CPS1: variants seen among roughly 807,000 people sequenced by gnomAD.
The protein encoded by CPS1 is carbamoyl-phosphate synthase 1, also known as carbamoyl-phosphate synthase [ammonia], mitochondrial.
Under a neutral mutation model 174.6 loss-of-function variants are expected in CPS1, and 109 were observed. The ratio of observed to expected loss-of-function variants is 0.62; its 90% CI spans 0.53 to 0.73. The LOEUF (loss-of-function observed/expected upper bound fraction) is 0.73, where lower values mean the gene tolerates loss of function less well. Among genes scored for constraint, CPS1 ranks in the 30% least tolerant of loss-of-function variants. CPS1 has a pLI of 0.00. For missense variants in CPS1, 1,689 were observed against 1,821.9 expected, an observed-to-expected ratio of 0.93 and a Z score of 1.33; for synonymous variants, 637 against 632.0, an observed-to-expected ratio of 1.01 and a Z score of -0.12.
intron 19 of CPS1, 144 bp downstream of exon 19, chr2:210,608,703 T>C: frequency 2.6e-6 from 2 of 762,560 alleles, no homozygotes; most frequent in South Asian, 1.5e-5. Flanking sequence ...TAAAGTTGCC[T>C]GAATATTAGC....
rs117289589 is a variant in CPS1 at position 210,635,453 on chromosome 2, A to G, written c.2688-2249A>G. Among the ~76,000 whole-genome samples, 3 of 152,314 alleles carry G rather than the reference A, an allele frequency of 2.0e-5. No individual in the cohort carries two copies. In the East Asian group the frequency reaches 5.8e-4, roughly 29 times the overall value. Reference sequence around the variant, plus strand: ...GCACTGTTCAGTAGAAATTTCTGTGATGATGAAATATTCTGTAATCTGCAC... The same window carrying G: ...GCACTGTTCAGTAGAAATTTCTGTGGTGATGAAATATTCTGTAATCTGCAC... On this transcript the variant is annotated intron_variant, in intron 21 of 37. Transcript: ENST00000233072.
intron 1 of CPS1, among the ~76,000 whole-genome samples, chr2:210,515,541 G>T (rs985288309): frequency 6.6e-6 from 1 of 151,656 alleles, no homozygotes; most frequent in African/African-American, 2.4e-5. Context: ...TGTGGGATTG[G>T]TGCTAATGTC....
chr2:210,620,565 G>T (rs1370598513), intron 21 of CPS1, among the ~76,000 whole-genome samples: 1 of 152,050 alleles, frequency 6.6e-6, no homozygotes, highest in African/African-American at 2.4e-5. Flanking sequence ...GCTAGCATCT[G>T]CTTGGCTTCT....
chr2:210,545,233 T>G (rs1696530405), intron 1 of CPS1, among the ~76,000 whole-genome samples: 1 of 152,100 alleles, frequency 6.6e-6, no homozygotes, highest in African/African-American at 2.4e-5. Context: ...AGAAGTTTGT[T>G]TGCTTTGATT....
intron 1 of CPS1, among the ~76,000 whole-genome samples, chr2:210,483,863 T>C (rs1158808563): frequency 6.6e-6 from 1 of 152,214 alleles, no homozygotes; most frequent in East Asian, 1.9e-4. Flanking sequence ...ATTGGGCCTC[T>C]AAAATGTCCC....
At chr2:210,539,019 T>G (rs1169559289) in intron 1 of CPS1, among the ~76,000 whole-genome samples, 1 of 152,210 alleles carries the variant, frequency 6.6e-6, no homozygotes, top group African/African-American at 2.4e-5. Flanking sequence ...AATGTTTTAC[T>G]GCGTATATTG....
chr2:210,678,249 C>G lies in CPS1; in HGVS notation c.*264C>G. ...TTGGTGGACTAGGCTTGCCTATGTG[C>G]TTATGTGTAGCTTTTTACTTTTTAT... is the stretch of plus-strand genomic sequence containing the variant. On this transcript the variant is annotated 3_prime_UTR_variant, in exon 38 of 38. Coordinates refer to ENST00000233072, the MANE Select transcript of CPS1 (RefSeq NM_001875.5). 4.0e-6 allele frequency: 2 copies of G among 502,670 alleles called. No homozygotes were observed. Among genetic ancestry groups the G allele is most frequent in the Non-Finnish European group, 7.2e-6 (2 of 276,874 alleles). The allele number at this position is 502,670 out of a possible 1,614,324, so 31.1% of individuals were successfully genotyped here. A position where few individuals can be genotyped will look rare whatever the true frequency, so the allele number is the denominator to read the frequency against.
chr2:210,481,829 T>C (rs1362040272), intron 1 of CPS1, among the ~76,000 whole-genome samples: 1 of 152,256 alleles, frequency 6.6e-6, no homozygotes, highest in Non-Finnish European at 1.5e-5. Context: ...GCAATAGGAA[T>C]TTAGCAGTGG....
chr2:210,479,901 T>C (rs1694514776), intron 1 of CPS1, among the ~76,000 whole-genome samples: 1 of 152,192 alleles, frequency 6.6e-6, no homozygotes, highest in Admixed American at 6.5e-5. Flanking sequence ...TAAAACTGAA[T>C]ACTTCTGGAA....
intron 21 of CPS1, among the ~76,000 whole-genome samples, chr2:210,629,779 G>C (rs1312586383): frequency 6.6e-6 from 1 of 150,864 alleles, no homozygotes; most frequent in Non-Finnish European, 1.5e-5. Context: ...GGCCGGGCTC[G>C]GTGGCTCACG....
chr2:210,575,523 C>CAG (rs1236063718), intron 2 of CPS1, among the ~76,000 whole-genome samples: 1 of 127,070 alleles, frequency 7.9e-6, no homozygotes, highest in East Asian at 3.5e-4. Context: ...TATGCACACA[C>CAG]ACACACACAC....
intron 22 of CPS1, 137 bp from the exon 23 acceptor site, chr2:210,639,013 G>T: frequency 1.5e-6 from 1 of 673,096 alleles, no homozygotes; most frequent in South Asian, 1.7e-5. Context: ...GCAATTCCAC[G>T]GGTCATACAT....
intron 25 of CPS1, among the ~76,000 whole-genome samples, chr2:210,643,470 C>G (rs2371007): frequency 0.22 from 33,248 of 151,846 alleles, 7,238 homozygotes; most frequent in African/African-American, 0.57. Context: ...AAATTGGAAC[C>G]AAAATACTTA....
intron 1 of CPS1, among the ~76,000 whole-genome samples, chr2:210,495,479 G>A (rs1694968419): frequency 6.6e-6 from 1 of 152,122 alleles, no homozygotes; most frequent in African/African-American, 2.4e-5. Flanking sequence ...AATCCACAAT[G>A]AACAAAATAT....
chr2:210,606,691 C>T (rs1559102595), intron 17 of CPS1, 40 bp from the exon 18 acceptor site: 1 of 1,591,276 alleles, frequency 6.3e-7, no homozygotes, highest in African/African-American at 1.3e-5. Flanking sequence ...TTGGTTATTT[C>T]AATATGCCAC....
intron 17 of CPS1, among the ~76,000 whole-genome samples, chr2:210,606,307 G>C (rs1006368174): frequency 6.6e-6 from 1 of 151,846 alleles, no homozygotes; most frequent in African/African-American, 2.4e-5. Context: ...AGGCAGAAGG[G>C]ATGGAGACTA....
intron 27 of CPS1, among the ~76,000 whole-genome samples, chr2:210,649,216 C>T (rs1230952553): frequency 1.3e-5 from 2 of 152,112 alleles, no homozygotes; most frequent in Non-Finnish European, 2.9e-5. Flanking sequence ...TGAAAAATTT[C>T]AAACGAGGTG....
At chr2:210,636,959 G>A (rs925440627) in intron 21 of CPS1, among the ~76,000 whole-genome samples, 2 of 152,220 alleles carry the variant, frequency 1.3e-5, no homozygotes, top group Admixed American at 6.5e-5. Flanking sequence ...TAGACAGATG[G>A]GTGATATTAG....
At position 210,559,587 on chromosome 2, in the gene CPS1, A is replaced by G. The variant is rs192988679; in HGVS notation, c.126+2728A>G. On this transcript the variant is annotated intron_variant, in intron 1 of 37. Transcript: ENST00000233072. ...GATCAACAACCATAAAATACTAAAT[A>G]CTAAAAAGTTTTAGATACCATAATC... Among the ~76,000 whole-genome samples the G allele has an allele frequency of 7.6e-4, 116 of 152,270 alleles. 1 individual carries two copies. Among genetic ancestry groups the G allele is most frequent in the Non-Finnish European group, 7.1e-4 (48 of 68,018 alleles).
Sources: allele counts gnomAD v4.1 joint callset (sites outside exome capture counted in the v4.1 genomes callset), GRCh38; gene constraint gnomAD v4.1.1; transcripts MANE v1.5; gene names NCBI Gene and HGNC (gene_info 2026-07-23, HGNC 2026-07-21).